Variants in PICALM observed in about 807,000 individuals in gnomAD.
PICALM encodes the protein phosphatidylinositol-binding clathrin assembly protein.
In PICALM, 40 loss-of-function variants were observed where a neutral mutation model predicts 80.5. That is an observed-to-expected ratio of 0.50 (90% confidence interval 0.39 to 0.65). The LOEUF (loss-of-function observed/expected upper bound fraction) is 0.65. Ranked by LOEUF, PICALM falls within the 30% of genes least tolerant of loss-of-function variation. The probability of loss-of-function intolerance (pLI) is 0.00; values close to 1 mark genes in which losing one functional copy is unlikely to be tolerated. For synonymous variants in PICALM, 288 were observed against 260.3 expected (o/e 1.11, Z -1.02); for missense variants, 676 against 778.9 (o/e 0.87, Z 1.57).
At chr11:86,050,701 A>G (rs890919862) in intron 1 of PICALM, among the ~76,000 whole-genome samples, 4 of 152,224 alleles carry the variant, frequency 2.6e-5, no homozygotes, top group African/African-American at 9.6e-5. Flanking sequence ...GTGGTAGAAC[A>G]TAAATGGTGA....
intron 13 of PICALM, among the ~76,000 whole-genome samples, chr11:85,986,735 C>G (rs990897807): frequency 6.6e-6 from 1 of 152,162 alleles, no homozygotes; most frequent in African/African-American, 2.4e-5. Flanking sequence ...CAAAAAGACC[C>G]AGCTAGTATC....
At chr11:85,960,404 A>C (rs1390280504) in intron 19 of PICALM, among the ~76,000 whole-genome samples, 1 of 152,224 alleles carries the variant, frequency 6.6e-6, no homozygotes, top group Non-Finnish European at 1.5e-5. Flanking sequence ...CTTGCCCTTA[A>C]TTAAAAAGCA....
chr11:86,034,734 A>G lies in PICALM; in HGVS notation c.131-3123T>C, dbSNP rs115215736. ...GAGTGAGAATTTACAAAGATTTCCAATATTTAAGGGGATGAAGACAATAGG... is the reference window on the plus strand; with the variant it reads ...GAGTGAGAATTTACAAAGATTTCCAGTATTTAAGGGGATGAAGACAATAGG... On this transcript the variant is annotated intron_variant, in intron 1 of 19. Coordinates refer to ENST00000393346, the MANE Select transcript of PICALM (RefSeq NM_007166.4). Among the ~76,000 whole-genome samples the G allele has an allele frequency of 6.0e-3, 915 of 152,322 alleles. 11 individuals carry two copies. The highest frequency in any genetic ancestry group is 0.021 in the African/African-American group (866 of 41,568).
chr11:86,034,792 C>T (rs2095813250), intron 1 of PICALM, among the ~76,000 whole-genome samples: 1 of 152,158 alleles, frequency 6.6e-6, no homozygotes, highest in South Asian at 2.1e-4. Context: ...AAATGACAAT[C>T]ACTTTTCCAT....
intron 1 of PICALM, among the ~76,000 whole-genome samples, chr11:86,042,341 C>G (rs1407640608): frequency 6.6e-6 from 1 of 151,762 alleles, no homozygotes; most frequent in Non-Finnish European, 1.5e-5. Flanking sequence ...ATCAGAAATA[C>G]AAGACAATAA....
chr11:85,986,241 T>TA (rs201325196), intron 13 of PICALM, among the ~76,000 whole-genome samples: 6,326 of 152,160 alleles, frequency 0.042, 193 homozygotes, highest in African/African-American at 0.088. Context: ...ATTTCCAAAG[T>TA]AAAAATCTTT....
intron 16 of PICALM, 80 bp downstream of exon 16, chr11:85,981,665 C>A: frequency 9.1e-7 from 1 of 1,100,690 alleles, no homozygotes; most frequent in Non-Finnish European, 1.4e-6. Context: ...GAGAGGAAAG[C>A]CAAATCAACC....
rs1273409393 is a variant in PICALM, at chr11:86,069,005, C to T, written c.-225G>A. On this transcript the variant is annotated 5_prime_UTR_variant, in exon 1 of 20. Transcript: ENST00000393346. ...AAGATGTCGGGCACTCCCTTGCCCC[C>T]GCCTCAGTTCAGCCCACCCCTTCCC... 2 of 546,634 alleles carry T rather than the reference C, an allele frequency of 3.7e-6. No homozygotes were observed. Among genetic ancestry groups the T allele is most frequent in the South Asian group, 2.3e-5 (1 of 44,362 alleles). The allele number at this position is 546,634 out of a possible 1,614,324, so 33.9% of individuals were successfully genotyped here.
chr11:86,007,874 C>G (rs534255543), intron 7 of PICALM, among the ~76,000 whole-genome samples: 118 of 152,074 alleles, frequency 7.8e-4, no homozygotes, highest in Middle Eastern at 3.4e-3. Context: ...AATCTGAAAA[C>G]TCCCCTCTCT....
chr11:85,994,097 T>C (rs1273828285), intron 12 of PICALM, among the ~76,000 whole-genome samples: 1 of 152,208 alleles, frequency 6.6e-6, no homozygotes, highest in Non-Finnish European at 1.5e-5. Context: ...TCAGAATGGA[T>C]AATTCTATTA....
intron 1 of PICALM, among the ~76,000 whole-genome samples, chr11:86,040,812 C>T (rs664596): frequency 3.3e-5 from 5 of 151,924 alleles, no homozygotes; most frequent in Admixed American, 2.6e-4. Context: ...GGAAATGACC[C>T]GGATGCAATT....
chr11:86,026,388 C>T (rs997657021), intron 2 of PICALM, 21 bp from the exon 3 acceptor site: 39 of 1,471,816 alleles, frequency 2.6e-5, no homozygotes, highest in Non-Finnish European at 3.4e-5. Context: ...AAAATTACAT[C>T]ATATTAAGGT....
At chr11:85,984,959 AAAG>A (rs1200785233) in intron 13 of PICALM, among the ~76,000 whole-genome samples, 1 of 152,166 alleles carries the variant, frequency 6.6e-6, no homozygotes, top group Non-Finnish European at 1.5e-5. Flanking sequence ...CAAGGATCAC[AAAG>A]AAGAAATTAT....
At chr11:86,058,032 CG>C (rs2096296794) in intron 1 of PICALM, among the ~76,000 whole-genome samples, 1 of 152,106 alleles carries the variant, frequency 6.6e-6, no homozygotes, top group Non-Finnish European at 1.5e-5. Flanking sequence ...GTGCATGAGG[CG>C]GATTTCTGCC....
intron 1 of PICALM, among the ~76,000 whole-genome samples, chr11:86,058,486 G>T (rs2096304546): frequency 6.6e-6 from 1 of 152,140 alleles, no homozygotes; most frequent in South Asian, 2.1e-4. Flanking sequence ...CAAGTAATAA[G>T]TTCATGGCTA....
chr11:86,015,265 G>A (rs964929170), intron 4 of PICALM, among the ~76,000 whole-genome samples: 6 of 152,116 alleles, frequency 3.9e-5, no homozygotes, highest in Non-Finnish European at 8.8e-5. Flanking sequence ...TTCACAAGAT[G>A]AAATGATCTG....
chr11:85,976,573 A>G (rs768378206), intron 18 of PICALM, 50 bp downstream of exon 18: 4 of 1,076,026 alleles, frequency 3.7e-6, no homozygotes, highest in Non-Finnish European at 5.8e-6. Context: ...AAAACATGTT[A>G]TATATGAATC....
rs559894771 is a variant in PICALM at position 85,966,922 on chromosome 11, G to A, written c.1944+7786C>T. The stretch of plus-strand genomic sequence containing the variant: ...AATTCAGAGGGAGCATGGCTCTGCC[G>A]ATACCCTGATTTCTCCAGAAGTGAT... On this transcript the variant is annotated intron_variant, in intron 19 of 19. Transcript: ENST00000393346. 1.3e-3 allele frequency among the ~76,000 whole-genome samples: 205 copies of A among 152,326 alleles called. 1 individual carries two copies. The highest frequency in any genetic ancestry group is 4.6e-3 in the African/African-American group (191 of 41,576).
intron 2 of PICALM, among the ~76,000 whole-genome samples, chr11:86,028,593 A>T (rs1346147621): frequency 2.6e-5 from 4 of 152,190 alleles, no homozygotes; most frequent in African/African-American, 9.7e-5. Context: ...ATTTACCATG[A>T]AGGTACTATC....
Sources: allele counts gnomAD v4.1 joint callset (sites outside exome capture counted in the v4.1 genomes callset), GRCh38; gene constraint gnomAD v4.1.1; transcripts MANE v1.5; gene names NCBI Gene and HGNC (gene_info 2026-07-23, HGNC 2026-07-21).